HDGFL3: variants seen among roughly 807,000 people sequenced by gnomAD.
The protein encoded by HDGFL3 is hepatoma-derived growth factor-related protein 3.
In HDGFL3, 6 loss-of-function variants were observed where a neutral mutation model predicts 27.6. That is an observed-to-expected ratio of 0.22 (90% CI 0.12 to 0.43). The LOEUF is 0.43. HDGFL3 is among the 20% of genes least tolerant of loss of function. The pLI is 1.00. For synonymous variants in HDGFL3, 88 were observed against 88.9 expected, an observed-to-expected ratio of 0.99 and a Z score of 0.05; for missense variants, 207 against 250.1, an observed-to-expected ratio of 0.83 and a Z score of 1.16.
At chr15:83,117,500 C>G (rs2034781050) in intron 3 of HDGFL3, among the ~76,000 whole-genome samples, 1 of 152,074 alleles carries the variant, frequency 6.6e-6, no homozygotes, top group South Asian at 2.1e-4. Flanking sequence ...CTGAAGTGGA[C>G]CATGGGGGGC....
chr15:83,186,864 C>T (rs879814748), intron 1 of HDGFL3, among the ~76,000 whole-genome samples: 7 of 151,940 alleles, frequency 4.6e-5, no homozygotes, highest in Admixed American at 6.6e-5. Context: ...CCACTTGTAC[C>T]CCATAAAGAT....
chr15:83,197,665 C>G (rs1295274881), intron 1 of HDGFL3, among the ~76,000 whole-genome samples: 1 of 152,162 alleles, frequency 6.6e-6, no homozygotes, highest in Non-Finnish European at 1.5e-5. Flanking sequence ...GTCCCACAAA[C>G]CAGGAAAACT....
At chr15:83,199,224 G>C (rs1188589624) in intron 1 of HDGFL3, among the ~76,000 whole-genome samples, 2 of 152,072 alleles carry the variant, frequency 1.3e-5, no homozygotes, top group African/African-American at 4.8e-5. Flanking sequence ...TCAACATATG[G>C]TAACTCTAAA....
chr15:83,204,147 A>G (rs1436231627), intron 1 of HDGFL3, among the ~76,000 whole-genome samples: 1 of 151,418 alleles, frequency 6.6e-6, no homozygotes, highest in Middle Eastern at 3.2e-3. Flanking sequence ...GCACTGTTCT[A>G]TACCTTGGTA....
intron 2 of HDGFL3, among the ~76,000 whole-genome samples, chr15:83,161,578 T>C (rs2037102107): frequency 6.6e-6 from 1 of 152,200 alleles, no homozygotes; most frequent in Non-Finnish European, 1.5e-5. Context: ...ATGTATGAGA[T>C]GGACGTCTTC....
chr15:83,141,271 C>G (rs2036765472), intron 5 of HDGFL3, among the ~76,000 whole-genome samples: 1 of 152,108 alleles, frequency 6.6e-6, no homozygotes, highest in African/African-American at 2.4e-5. Flanking sequence ...CAATCGGATT[C>G]TCTCTGGAGG....
At chr15:83,198,695 G>A (rs2151422275) in intron 1 of HDGFL3, among the ~76,000 whole-genome samples, 1 of 152,286 alleles carries the variant, frequency 6.6e-6, no homozygotes, top group East Asian at 1.9e-4. Context: ...AAGGTCAAAG[G>A]GAAAGTGGAC....
intron 1 of HDGFL3, among the ~76,000 whole-genome samples, chr15:83,174,951 A>G (rs1178893362): frequency 6.6e-6 from 1 of 152,228 alleles, no homozygotes; most frequent in Non-Finnish European, 1.5e-5. Context: ...TAAACATTTG[A>G]ATTAGTTACA....
chr15:83,140,801 GT>G (rs2036754909), intron 5 of HDGFL3, among the ~76,000 whole-genome samples: 1 of 152,014 alleles, frequency 6.6e-6, no homozygotes. Context: ...CTTTAACAAT[GT>G]TTTCTTATTA....
At chr15:83,171,385 A>G (rs1420578221) in intron 1 of HDGFL3, among the ~76,000 whole-genome samples, 1 of 152,128 alleles carries the variant, frequency 6.6e-6, no homozygotes, top group Non-Finnish European at 1.5e-5. Context: ...CAGCAATCCC[A>G]TTACTGTGTA....
downstream of HDGFL3, chr15:83,122,845 T>C: frequency 6.2e-7 from 1 of 1,614,062 alleles, no homozygotes; most frequent in East Asian, 2.2e-5. Flanking sequence ...GAATCTATAA[T>C]CAGCCATCAG....
At chr15:83,186,704 G>A (rs1245525020) in intron 1 of HDGFL3, among the ~76,000 whole-genome samples, 1 of 152,024 alleles carries the variant, frequency 6.6e-6, no homozygotes, top group Non-Finnish European at 1.5e-5. Context: ...CATACAGAGT[G>A]GTATAATGGA....
chr15:83,145,897 C>CTTTTTTTTTTTTT lies in HDGFL3; in HGVS notation c.606+5305_606+5317dup, dbSNP rs3082058. Among the ~76,000 whole-genome samples, 5 of 49,436 alleles carry CTTTTTTTTTTTTT rather than the reference C, an allele frequency of 1.0e-4. 1 individual carries two copies. Among genetic ancestry groups the CTTTTTTTTTTTTT allele is most frequent in the Non-Finnish European group, 1.4e-4 (4 of 29,348 alleles). The allele number at this position is 49,436 out of a possible 152,430, so 32.4% of individuals were successfully genotyped here. A position where few individuals can be genotyped will look rare whatever the true frequency, so the allele number is the denominator to read the frequency against. ...TTCTCTCTCTCTCCCTTTCTTCTTC[C>CTTTTTTTTTTTTT]TTTTTTTTTTTTTTTTTTTTTTTTT... On this transcript the variant is annotated intron_variant, in intron 5 of 5. Coordinates refer to ENST00000299633, the MANE Select transcript of HDGFL3 (RefSeq NM_016073.4).
chr15:83,185,260 G>T (rs2037428330), intron 1 of HDGFL3, among the ~76,000 whole-genome samples: 1 of 152,146 alleles, frequency 6.6e-6, no homozygotes, highest in Non-Finnish European at 1.5e-5. Flanking sequence ...CTGACCTCAG[G>T]CAATCTGCCC....
At chr15:83,164,183 G>A (rs1406011258) in intron 1 of HDGFL3, 108 bp from the exon 2 acceptor site, 1 of 743,376 alleles carries the variant, frequency 1.3e-6, no homozygotes. Flanking sequence ...TCAAAACTCA[G>A]ATAGTTTTTT....
intron 4 of HDGFL3, among the ~76,000 whole-genome samples, chr15:83,155,856 A>C (rs150791560): frequency 6.6e-6 from 1 of 152,324 alleles, no homozygotes; most frequent in East Asian, 1.9e-4. Context: ...ACCTGTACCA[A>C]TCTTTGGTCT....
At chr15:83,151,414 A>T in intron 4 of HDGFL3, 53 bp from the exon 5 acceptor site, 1 of 1,489,970 alleles carries the variant, frequency 6.7e-7, no homozygotes, top group African/African-American at 1.4e-5. Flanking sequence ...ATCCAAATGT[A>T]CAAGTAAGAG....
chr15:83,135,817 C>T lies in HDGFL3; in HGVS notation c.*3453G>A, dbSNP rs1193916794. On this transcript the variant is annotated 3_prime_UTR_variant, in exon 6 of 6. Transcript: ENST00000299633. ...CATTTGCCATTTTACAAAGAGCAAC[C>T]GTACTCCTACCTCCACCCAAGTTGG... 1 of 152,092 alleles carries T rather than the reference C, an allele frequency of 6.6e-6. No individual in the cohort carries two copies. Among genetic ancestry groups the T allele is most frequent in the Non-Finnish European group, 1.5e-5 (1 of 68,004 alleles). 9.4% of individuals were successfully genotyped at this position (152,092 alleles called of 1,614,324 possible).
At chr15:83,112,800 C>T in exon 4 of HDGFL3, 1 of 1,613,472 alleles carries the variant, frequency 6.2e-7, no homozygotes. Context: ...GTTGCAGTTC[C>T]TGGACTATTG....
Sources: allele counts gnomAD v4.1 joint callset (sites outside exome capture counted in the v4.1 genomes callset), GRCh38; gene constraint gnomAD v4.1.1; transcripts MANE v1.5; gene names NCBI Gene and HGNC (gene_info 2026-07-23, HGNC 2026-07-21).